Variants in TMEM184B observed in about 807,000 individuals in gnomAD.
TMEM184B encodes the protein transmembrane protein 184B.
TMEM184B carries 17 observed loss-of-function variants against 41.8 expected under a neutral mutation model. That is an observed-to-expected ratio of 0.41 (90% confidence interval 0.28 to 0.61). The LOEUF is 0.61. TMEM184B is among the 20% of genes least tolerant of loss of function. The pLI is 0.34. For synonymous variants in TMEM184B, 240 were observed against 229.5 expected (o/e 1.05, Z -0.41); for missense variants, 393 against 557.8 (o/e 0.70, Z 2.98).
chr22:38,264,411 G>C (rs927320935), intron 1 of TMEM184B, among the ~76,000 whole-genome samples: 2 of 152,154 alleles, frequency 1.3e-5, no homozygotes, highest in Non-Finnish European at 2.9e-5. Context: ...CAGGTGGGAG[G>C]GGGTGGGGGT....
At chr22:38,217,213 G>A (rs1345184785), downstream of TMEM184B, among the ~76,000 whole-genome samples, 27 of 136,764 alleles carry the variant, frequency 2.0e-4, no homozygotes, top group Admixed American at 1.9e-3. Flanking sequence ...GCCCGGGTGC[G>A]GTGGCTCACG....
rs557771730 is a variant in TMEM184B, at chr22:38,249,628, A to C, written c.-58-1609T>G. On this transcript the variant is annotated intron_variant, in intron 1 of 8. Coordinates refer to ENST00000361906, the MANE Select transcript of TMEM184B (RefSeq NM_012264.5). ...GGGAGAAGGCACCGTCTCTGAGCCA[A>C]AAAGTGAGCCTTCTCCACACACTGA... Among the ~76,000 whole-genome samples, 27 of 152,326 alleles carry C rather than the reference A, an allele frequency of 1.8e-4. No individual in the cohort carries two copies. The South Asian group carries it at 5.6e-3, about 32-fold the overall frequency.
At chr22:38,222,928 G>A (rs893877217) in intron 8 of TMEM184B, 2 of 153,130 alleles carry the variant, frequency 1.3e-5, no homozygotes, top group East Asian at 3.9e-4. Context: ...GGAAACATCC[G>A]TCTGGCGACT....
Position 38,221,585 on chromosome 22 carries a change from G to A in TMEM184B, c.1108C>T (p.Leu370=). 1 of 1,614,094 alleles carries A rather than the reference G, an allele frequency of 6.2e-7. No homozygotes were observed. The highest frequency in any genetic ancestry group is 8.5e-7 in the Non-Finnish European group (1 of 1,179,984). Reference sequence around the variant, plus strand: ...CCACGCCAGGTGGGCCCAGGCTCCAGGGTGGACTGCTGCGTGTACTGCTGG... The same window carrying A: ...CCACGCCAGGTGGGCCCAGGCTCCAAGGTGGACTGCTGCGTGTACTGCTGG... ...AYQQYTQQST[L]EPGPTWRGGA... is the part of the protein sequence containing the mutation. Residue 370 remains leucine (L), a synonymous_variant, in exon 9 of 9, where the codon CTG becomes TTG. Transcript: ENST00000361906.
In TMEM184B at chr22:38,247,849, G is replaced by C; in HGVS notation, c.113C>G (p.Pro38Arg). 1 of 1,613,806 alleles carries C rather than the reference G, an allele frequency of 6.2e-7. No homozygotes were observed. ...AGCGGCAGTTGTCATCAGGAACACA[G>C]GCTGCTCCATGGCAGTGGGGCTGCC... The part of the protein sequence containing the change: ...PEGSPTAMEQ[P>R]VFLMTTAAQA... The change falls in exon 2 of 9, where the codon CCT (proline) becomes CGT (arginine). Residue 38 changes from proline to arginine, a missense_variant. Physicochemically the swap from Pro to Arg is moderately radical, Grantham distance 103. Coordinates refer to ENST00000361906, the MANE Select transcript of TMEM184B (RefSeq NM_012264.5).
intron 3 of TMEM184B, 52 bp downstream of exon 3, chr22:38,245,883 T>TGCC: frequency 8.5e-6 from 11 of 1,288,704 alleles, no homozygotes; most frequent in East Asian, 2.6e-5. Flanking sequence ...GGACAGGGGC[T>TGCC]CCCAGCCCCC....
chr22:38,252,354 A>C (rs1408624871), intron 1 of TMEM184B, among the ~76,000 whole-genome samples: 2 of 151,992 alleles, frequency 1.3e-5, no homozygotes, highest in Admixed American at 1.3e-4. Flanking sequence ...AGCCACCACA[A>C]CTGTCTCCCA....
At chr22:38,256,122 G>A (rs2092274321) in intron 1 of TMEM184B, among the ~76,000 whole-genome samples, 1 of 152,142 alleles carries the variant, frequency 6.6e-6, no homozygotes, top group African/African-American at 2.4e-5. Flanking sequence ...AGTCCAAGGC[G>A]GGTGGATCAT....
chr22:38,270,936 G>A (rs990192864), intron 1 of TMEM184B, among the ~76,000 whole-genome samples: 1 of 152,176 alleles, frequency 6.6e-6, no homozygotes, highest in Non-Finnish European at 1.5e-5. Flanking sequence ...AGAAGCCCCT[G>A]CTCACAGAAC....
intron 2 of TMEM184B, chr22:38,246,985 A>AT: frequency 1.4e-6 from 1 of 701,240 alleles, no homozygotes; most frequent in Non-Finnish European, 2.1e-6. Context: ...GCAGCTGGCA[A>AT]GGGGCTGACT....
intron 4 of TMEM184B, 98 bp downstream of exon 4, chr22:38,231,146 C>A: frequency 9.5e-7 from 1 of 1,052,198 alleles, no homozygotes; most frequent in East Asian, 2.4e-5. Context: ...AGGTCACGGG[C>A]AGACATGGTC....
intron 1 of TMEM184B, among the ~76,000 whole-genome samples, chr22:38,250,842 G>A (rs189169441): frequency 2.2e-4 from 34 of 152,248 alleles, no homozygotes; most frequent in Admixed American, 7.2e-4. Context: ...TTCCTCCTGC[G>A]GCTCTGCCCA....
chr22:38,218,718 G>A (rs1042157727), downstream of TMEM184B, among the ~76,000 whole-genome samples: 2 of 152,246 alleles, frequency 1.3e-5, no homozygotes, highest in Non-Finnish European at 2.9e-5. Context: ...GGGAAGGGCA[G>A]CAGGAAGCTG....
chr22:38,227,274 A>AC (rs2091473032), intron 5 of TMEM184B, among the ~76,000 whole-genome samples: 1 of 152,098 alleles, frequency 6.6e-6, no homozygotes, highest in Non-Finnish European at 1.5e-5. Context: ...TCGAGCCAGG[A>AC]CCATCAGGTG....
At position 38,230,587 on chromosome 22, in the gene TMEM184B, T is replaced by TG; in HGVS notation, c.525+81dup. 4 of 1,440,200 alleles carry TG rather than the reference T, an allele frequency of 2.8e-6. No individual in the cohort carries two copies. In the South Asian group the frequency reaches 3.6e-5, roughly 13 times the overall value. 89.2% of individuals were successfully genotyped at this position (1,440,200 alleles called of 1,614,324 possible). A position where few individuals can be genotyped will look rare whatever the true frequency, so the allele number is the denominator to read the frequency against. Reference sequence around the variant, plus strand: ...CTCATAGGAAAGGGGACCTCTAAGGTGGGGCCCAGGGCAGCCCACGGCAGG... The same window carrying TG: ...CTCATAGGAAAGGGGACCTCTAAGGTGGGGGCCCAGGGCAGCCCACGGCAGG... On this transcript the variant is annotated intron_variant, in intron 5 of 8. Transcript: ENST00000361906.
Position 38,225,228 on chromosome 22 carries a change from C to T in TMEM184B, c.787+196G>A, listed in dbSNP as rs1428290484. On this transcript the variant is annotated intron_variant, in intron 7 of 8. Transcript: ENST00000361906. This position sits in a 1 kb window ranked among gnomAD's most constrained non-coding sequence, Gnocchi z 4.4. ...CTCCTGGGCCCTCTCATCCATGTAG[C>T]GGCCCCACCAAAGCTCTCCCTAGCC... 6.6e-6 allele frequency among the ~76,000 whole-genome samples: 1 copy of T among 152,130 alleles called. No individual in the cohort carries two copies. The highest frequency in any genetic ancestry group is 1.5e-5 in the Non-Finnish European group (1 of 68,008).
rs774662265 is a variant in TMEM184B, at chr22:38,247,910, C to T, written c.52G>A (p.Ala18Thr). The T allele has an allele frequency of 1.2e-6, 2 of 1,603,956 alleles. No individual in the cohort carries two copies. Among genetic ancestry groups the T allele is most frequent in the South Asian group, 1.1e-5 (1 of 89,706 alleles). Residue 18 changes from alanine (A) to threonine (T), a missense_variant, in exon 2 of 9, where the codon GCA becomes ACA. Ala to Thr is a moderately conservative substitution (Grantham distance 58). This residue lies in a region of TMEM184B where 122 missense variants were observed against 123.7 expected (regional missense o/e 0.99). Coordinates refer to ENST00000361906, the MANE Select transcript of TMEM184B (RefSeq NM_012264.5). ...ACGGAGACGCTGGGCGAGGCTGCTG[C>T]GGTCGTGGGCGACGCTGGATCCGGG... ...LAPDPASPTT[A>T]AASPSVSVIP...
At chr22:38,270,861 G>C (rs2092511708) in intron 1 of TMEM184B, among the ~76,000 whole-genome samples, 1 of 152,326 alleles carries the variant, frequency 6.6e-6, no homozygotes, top group Admixed American at 6.5e-5. Context: ...TGAGGGACTG[G>C]GCAGGCCAGC....
chr22:38,262,011 CAT>C (rs1324976913), intron 1 of TMEM184B, among the ~76,000 whole-genome samples: 1 of 152,274 alleles, frequency 6.6e-6, no homozygotes, highest in Non-Finnish European at 1.5e-5. Flanking sequence ...AGAGGCTGGA[CAT>C]AACCCAATGC....
Sources: gnomAD v4.1 joint callset for allele counts (sites outside exome capture counted in the v4.1 genomes callset) on GRCh38, gnomAD v4.1.1 for gene constraint, gnomAD v4.1.1 regional missense constraint, Gnocchi (gnomAD v3.1) non-coding constraint, MANE v1.5 for transcripts, NCBI Gene and HGNC (gene_info 2026-07-23, HGNC 2026-07-21) for gene names.